Variants in CLIC6 observed in about 807,000 individuals in gnomAD.
CLIC6 encodes the protein CLIC family member 6, also known as chloride intracellular channel protein 6.
In CLIC6, 39 loss-of-function variants were observed where a neutral mutation model predicts 49.2. The observed-to-expected ratio is 0.79, with a 90% CI of 0.61 to 1.04. The LOEUF (loss-of-function observed/expected upper bound fraction) is 1.04, where lower values mean the gene tolerates loss of function less well. Ranked by LOEUF, CLIC6 falls within the 50% of genes least tolerant of loss-of-function variation. The probability of loss-of-function intolerance (pLI) is 0.00; values close to 1 mark genes in which losing one functional copy is unlikely to be tolerated. For synonymous variants in CLIC6, 446 were observed against 433.4 expected, an observed-to-expected ratio of 1.03 and a Z score of -0.36; for missense variants, 988 against 993.1, an observed-to-expected ratio of 0.99 and a Z score of 0.07.
rs548599535 is a variant in CLIC6, at chr21:34,670,717, G to A, written c.1329G>A (p.Glu443=). 4.9e-5 allele frequency: 78 copies of A among 1,598,622 alleles called. No homozygotes were observed. The East Asian group carries it at 1.7e-3, about 35-fold the overall frequency. ...GCCGGGAGGACGGAGAGGCGTCCGA[G>A]CCCCGGGCCCTGGGGCAGGAGCACG... ...NGRREDGEAS[E]PRALGQEHDI... The change falls in exon 1 of 6, where the codon GAG becomes GAA. Residue 443 remains glutamate (E), a synonymous_variant. Transcript: ENST00000349499.
At chr21:34,707,706 CTGTT>C (rs2145818237) in intron 2 of CLIC6, among the ~76,000 whole-genome samples, 1 of 152,308 alleles carries the variant, frequency 6.6e-6, no homozygotes, top group South Asian at 2.1e-4. Flanking sequence ...TTTTTCACCT[CTGTT>C]TGTTGATATG....
At chr21:34,697,289 AG>A (rs1338337315) in intron 1 of CLIC6, among the ~76,000 whole-genome samples, 1 of 152,120 alleles carries the variant, frequency 6.6e-6, no homozygotes, top group Non-Finnish European at 1.5e-5. Context: ...CAAAGCCAGG[AG>A]GGGAAAGGCC....
intron 1 of CLIC6, among the ~76,000 whole-genome samples, chr21:34,674,612 A>G (rs542814113): frequency 1.3e-5 from 2 of 152,238 alleles, no homozygotes; most frequent in South Asian, 4.1e-4. Flanking sequence ...AGCCAGGAAC[A>G]TATAGAACCA....
intron 1 of CLIC6, among the ~76,000 whole-genome samples, chr21:34,680,577 T>C (rs1037918710): frequency 1.9e-4 from 29 of 152,346 alleles, no homozygotes; most frequent in African/African-American, 7.0e-4. Context: ...TTCCTAACTT[T>C]TATGCTCTGT....
intron 5 of CLIC6, among the ~76,000 whole-genome samples, chr21:34,710,382 T>C (rs905837080): frequency 6.6e-6 from 1 of 152,232 alleles, no homozygotes; most frequent in Non-Finnish European, 1.5e-5. Context: ...GCCATATTTG[T>C]TGCCCTGCCT....
chr21:34,709,477 T>G lies in CLIC6; in HGVS notation c.1838T>G (p.Leu613Arg), dbSNP rs1321101589. The G allele has an allele frequency of 6.2e-7, 1 of 1,613,922 alleles. No individual in the cohort carries two copies. The highest frequency in any genetic ancestry group is 1.3e-5 in the African/African-American group (1 of 74,938). Residue 613 changes from leucine to arginine, a missense_variant, in exon 5 of 6, where the codon CTG (leucine) becomes CGG (arginine). Around this residue, in one of 3 missense-constraint regions of CLIC6, gnomAD observed 647 missense variants for 596.9 expected, o/e 1.08. Transcript: ENST00000349499. ...EDVTVSGRKFLDGDELTLADC... is the reference protein window; with the variant it reads ...EDVTVSGRKFRDGDELTLADC... The stretch of plus-strand genomic sequence containing the variant: ...GTCACTGTTTCTGGAAGGAAGTTTC[T>G]GGATGGGGACGAGCTGACGCTGGCT...
At chr21:34,710,526 T>TC (rs780132043) in intron 5 of CLIC6, among the ~76,000 whole-genome samples, 21 of 151,794 alleles carry the variant, frequency 1.4e-4, no homozygotes, top group Non-Finnish European at 2.4e-4. Flanking sequence ...GAAATGTGAG[T>TC]CCCCGGGCCA....
intron 1 of CLIC6, among the ~76,000 whole-genome samples, chr21:34,695,239 T>A (rs994912213): frequency 1.3e-5 from 2 of 152,218 alleles, no homozygotes; most frequent in African/African-American, 4.8e-5. Flanking sequence ...CCGTCTTTAC[T>A]CCAGCCATAT....
At chr21:34,707,734 C>T (rs1006757838) in intron 2 of CLIC6, among the ~76,000 whole-genome samples, 7 of 152,118 alleles carry the variant, frequency 4.6e-5, no homozygotes, top group Non-Finnish European at 1.0e-4. Flanking sequence ...CTTTGTGCTC[C>T]GTATTCACAA....
At chr21:34,678,213 C>T (rs1205470990) in intron 1 of CLIC6, among the ~76,000 whole-genome samples, 1 of 150,534 alleles carries the variant, frequency 6.6e-6, no homozygotes, top group Non-Finnish European at 1.5e-5. Context: ...GGGCAGATCA[C>T]GAGGTCAGGA....
chr21:34,700,718 G>A lies in CLIC6; in HGVS notation c.1375-6562G>A, dbSNP rs1304029427. Among the ~76,000 whole-genome samples, 2 of 139,878 alleles carry A rather than the reference G, an allele frequency of 1.4e-5. 1 individual carries two copies. The highest frequency in any genetic ancestry group is 3.1e-5 in the Non-Finnish European group (2 of 64,660). 91.8% of individuals were successfully genotyped at this position (139,878 alleles called of 152,430 possible). On this transcript the variant is annotated intron_variant, in intron 1 of 5. Transcript: ENST00000349499. ...TGGTAGGAAAAGTCAGCCGCCCACT[G>A]CTCAGGCTTTCTTAACACCGACCCC...
chr21:34,714,485 C>T (rs567091461), intron 5 of CLIC6, among the ~76,000 whole-genome samples: 25 of 151,920 alleles, frequency 1.6e-4, no homozygotes, highest in Non-Finnish European at 3.5e-4. Flanking sequence ...GCCAGGAGTT[C>T]GAGATCAGCC....
chr21:34,705,939 T>G (rs1419634948), intron 1 of CLIC6: 1 of 557,134 alleles, frequency 1.8e-6, no homozygotes, highest in Non-Finnish European at 3.2e-6. Context: ...AAATTCACAT[T>G]CCTAGGCCCC....
rs2834594 is a variant in CLIC6 at position 34,703,249 on chromosome 21, T to G, written c.1375-4031T>G. Among the ~76,000 whole-genome samples the G allele has an allele frequency of 4.7e-3, 723 of 152,324 alleles. 11 individuals are homozygous for G. The highest frequency in any genetic ancestry group is 0.024 in the Admixed American group (360 of 15,288). On this transcript the variant is annotated intron_variant, in intron 1 of 5. Coordinates refer to ENST00000349499, the MANE Select transcript of CLIC6 (RefSeq NM_053277.3). ...CTCTCCACCACCTCCAAATTGTTTT[T>G]CATTATATTTGGGCAGAGTAGAGAA... is the stretch of plus-strand genomic sequence containing the variant.
At chr21:34,682,251 G>A (rs1245050521) in intron 1 of CLIC6, among the ~76,000 whole-genome samples, 1 of 152,186 alleles carries the variant, frequency 6.6e-6, no homozygotes, top group East Asian at 1.9e-4. Context: ...TCAAAGAGGT[G>A]ATACCATGTA....
chr21:34,681,099 A>G (rs1192369184), intron 1 of CLIC6, among the ~76,000 whole-genome samples: 1 of 152,220 alleles, frequency 6.6e-6, no homozygotes, highest in Non-Finnish European at 1.5e-5. Context: ...GTTATTTATA[A>G]AGGAAAGAAG....
intron 1 of CLIC6, among the ~76,000 whole-genome samples, chr21:34,673,988 A>C (rs1312487674): frequency 6.6e-6 from 1 of 152,224 alleles, no homozygotes; most frequent in East Asian, 1.9e-4. Flanking sequence ...TGGAATTCAC[A>C]GCTGGGTTTA....
intron 1 of CLIC6, among the ~76,000 whole-genome samples, chr21:34,705,601 A>G (rs538550145): frequency 1.3e-5 from 2 of 152,124 alleles, no homozygotes; most frequent in African/African-American, 4.8e-5. Flanking sequence ...GGGAGGGGAG[A>G]GTGGGAGAGG....
intron 1 of CLIC6, among the ~76,000 whole-genome samples, chr21:34,678,092 C>T (rs1989706066): frequency 6.6e-6 from 1 of 151,756 alleles, no homozygotes; most frequent in South Asian, 2.1e-4. Context: ...GCAACAGAGA[C>T]TCTGTGGACC....
Sources: allele counts gnomAD v4.1 joint callset (sites outside exome capture counted in the v4.1 genomes callset), GRCh38; gene constraint gnomAD v4.1.1; regional missense constraint gnomAD v4.1.1; transcripts MANE v1.5; gene names NCBI Gene and HGNC (gene_info 2026-07-23, HGNC 2026-07-21).